The following MYLK4 variants were observed in gnomAD, a reference collection of about 807,000 sequenced individuals.
MYLK4 encodes the protein myosin light chain kinase family member 4.
In MYLK4, 46 loss-of-function variants were observed where a neutral mutation model predicts 48.1. The observed-to-expected ratio is 0.96, with a 90% CI of 0.75 to 1.22. The LOEUF is 1.22. MYLK4 is among the 50% of genes most tolerant of loss of function. The pLI, the probability that MYLK4 is intolerant of heterozygous loss-of-function variation, is 0.00. For synonymous variants in MYLK4, 170 were observed against 180.8 expected, an observed-to-expected ratio of 0.94 and a Z score of 0.48; for missense variants, 451 against 486.1, an observed-to-expected ratio of 0.93 and a Z score of 0.68.
At chr6:2,670,637 G>A (rs1760849266) in intron 12 of MYLK4, among the ~76,000 whole-genome samples, 1 of 152,162 alleles carries the variant, frequency 6.6e-6, no homozygotes, top group East Asian at 1.9e-4. Flanking sequence ...AGGTATTCAT[G>A]TGTAAACCCA....
At chr6:2,766,393 G>C in the MYLK4 span, 2 of 1,607,444 alleles carry the variant, frequency 1.2e-6, no homozygotes, top group Non-Finnish European at 1.7e-6. Context: ...CGCTCCTGGA[G>C]ACCAACGAAA....
At chr6:2,667,943 T>A (rs1182260492) in intron 12 of MYLK4, 44 bp from the exon 13 acceptor site, 2 of 152,664 alleles carry the variant, frequency 1.3e-5, no homozygotes, top group Non-Finnish European at 2.9e-5. Flanking sequence ...TCAGCAGGGT[T>A]TTTAAAATTA....
Position 2,689,927 on chromosome 6 carries a change from C to A in MYLK4, c.236-971G>T, listed in dbSNP as rs112571028. ...GGAATCTGATTTGATATGGACATCA[C>A]CTCTCAGAGCCTAAATATGCTGAAA... is the stretch of plus-strand genomic sequence containing the variant. On this transcript the variant is annotated intron_variant, in intron 3 of 12. Transcript: ENST00000274643. 5.7e-3 allele frequency among the ~76,000 whole-genome samples: 861 copies of A among 152,262 alleles called. 1 individual carries two copies. Among genetic ancestry groups the A allele is most frequent in the Non-Finnish European group, 8.7e-3 (592 of 68,034 alleles).
At chr6:2,734,237 T>C (rs1161795873) in intron 2 of MYLK4, among the ~76,000 whole-genome samples, 3 of 152,194 alleles carry the variant, frequency 2.0e-5, no homozygotes, top group African/African-American at 4.8e-5. Flanking sequence ...CCAGCACATA[T>C]GCGGCTTTCG....
chr6:2,692,705 A>C lies in MYLK4; in HGVS notation c.235+79T>G, dbSNP rs182739379. On this transcript the variant is annotated intron_variant, in intron 3 of 12. Coordinates refer to ENST00000274643, the MANE Select transcript of MYLK4 (RefSeq NM_001012418.5). The stretch of plus-strand genomic sequence containing the variant: ...CCTGCACAGGGCTTTATGAATGTGC[A>C]ACTTCCTCTGAATAACAACAGGACT... 58 of 1,302,882 alleles carry C rather than the reference A, an allele frequency of 4.5e-5. No homozygotes were observed. The East Asian group carries it at 1.3e-3, about 30-fold the overall frequency. 80.7% of individuals were successfully genotyped at this position (1,302,882 alleles called of 1,614,324 possible). A position where few individuals can be genotyped will look rare whatever the true frequency, so the allele number is the denominator to read the frequency against.
chr6:2,714,440 A>C (rs1216410616), intron 2 of MYLK4, among the ~76,000 whole-genome samples: 5 of 152,256 alleles, frequency 3.3e-5, no homozygotes. Context: ...CTCTGGATGC[A>C]CTGCCTATGA....
chr6:2,746,136 G>A (rs369807089), intron 2 of MYLK4, among the ~76,000 whole-genome samples: 10 of 151,386 alleles, frequency 6.6e-5, no homozygotes, highest in African/African-American at 2.2e-4. Context: ...GCGTGGTTGC[G>A]TGCGCCTGTA....
intron 10 of MYLK4, 30 bp downstream of exon 10, chr6:2,678,190 C>A: frequency 6.2e-7 from 1 of 1,608,332 alleles, no homozygotes; most frequent in Non-Finnish European, 8.5e-7. Flanking sequence ...ATCCCTACTG[C>A]GCCCGGAGCA....
chr6:2,741,914 C>T (rs1393052587), intron 2 of MYLK4, among the ~76,000 whole-genome samples: 1 of 152,180 alleles, frequency 6.6e-6, no homozygotes, highest in Non-Finnish European at 1.5e-5. Flanking sequence ...GATGAAAGCC[C>T]TTAGTATTTC....
At chr6:2,723,062 G>T (rs529318206) in intron 2 of MYLK4, among the ~76,000 whole-genome samples, 319 of 152,158 alleles carry the variant, frequency 2.1e-3, no homozygotes, top group Non-Finnish European at 3.5e-3. Flanking sequence ...GAGGCTGAGG[G>T]GGGAGGATTG....
intron 2 of MYLK4, among the ~76,000 whole-genome samples, chr6:2,729,952 T>C (rs931167101): frequency 6.6e-6 from 1 of 152,194 alleles, no homozygotes; most frequent in African/African-American, 2.4e-5. Flanking sequence ...AAACGCTGGA[T>C]TTTCTCCCTA....
the MYLK4 span, among the ~76,000 whole-genome samples, chr6:2,766,955 GTTTATTTAACATTC>G: frequency 6.6e-6 from 1 of 152,106 alleles, no homozygotes; most frequent in Non-Finnish European, 1.5e-5. Context: ...TTAAGAATAA[GTTTATTTAACATTC>G]TTATATTCTT....
rs1760983450 is a variant in MYLK4 at position 2,673,659 on chromosome 6, C to T, written c.1119+1388G>A. Among the ~76,000 whole-genome samples, 1 of 152,108 alleles carries T rather than the reference C, an allele frequency of 6.6e-6. No homozygotes were observed. The highest frequency in any genetic ancestry group is 2.4e-5 in the African/African-American group (1 of 41,410). Reference sequence around the variant, plus strand: ...GCGTCTTGCCTGTATATGCATCTTGCCAGTTGAACATCCTAGATGTTCAGT... The same window carrying T: ...GCGTCTTGCCTGTATATGCATCTTGTCAGTTGAACATCCTAGATGTTCAGT... On this transcript the variant is annotated intron_variant, in intron 11 of 12. Transcript: ENST00000274643. The surrounding 1 kb of genome is among the most constrained non-coding windows in gnomAD (Gnocchi z 4.2).
At chr6:2,692,117 G>C (rs1226203554) in intron 3 of MYLK4, among the ~76,000 whole-genome samples, 1 of 152,166 alleles carries the variant, frequency 6.6e-6, no homozygotes, top group African/African-American at 2.4e-5. Context: ...TCCTTAGAAT[G>C]AAACCCGTTT....
At chr6:2,695,426 A>C (rs1762023811) in intron 2 of MYLK4, among the ~76,000 whole-genome samples, 1 of 152,234 alleles carries the variant, frequency 6.6e-6, no homozygotes, top group African/African-American at 2.4e-5. Context: ...TCTGAGTATC[A>C]GGTGGAAAAG....
chr6:2,736,144 CAAAT>C (rs1266942237), intron 2 of MYLK4, among the ~76,000 whole-genome samples: 1 of 152,152 alleles, frequency 6.6e-6, no homozygotes, highest in Non-Finnish European at 1.5e-5. Context: ...GGTCAGAAGT[CAAAT>C]AAATTTTGAA....
upstream of MYLK4, among the ~76,000 whole-genome samples, chr6:2,754,311 T>C (rs1342095622): frequency 1.3e-5 from 2 of 152,022 alleles, no homozygotes; most frequent in African/African-American, 4.8e-5. Context: ...GAAAAGATAA[T>C]GTGGTATACA....
intron 2 of MYLK4, among the ~76,000 whole-genome samples, chr6:2,697,110 C>T (rs1447819535): frequency 6.6e-6 from 1 of 152,160 alleles, no homozygotes; most frequent in Non-Finnish European, 1.5e-5. Flanking sequence ...TAGTGGTTAT[C>T]AATGTATATA....
chr6:2,703,662 A>ATTGT (rs759946900), intron 2 of MYLK4, among the ~76,000 whole-genome samples: 1 of 62,138 alleles, frequency 1.6e-5, no homozygotes, highest in African/African-American at 6.6e-5. Context: ...CCCTTTGTGA[A>ATTGT]TTCTTTTTTT....
Sources: gnomAD v4.1 joint callset for allele counts (sites outside exome capture counted in the v4.1 genomes callset) on GRCh38, gnomAD v4.1.1 for gene constraint, Gnocchi (gnomAD v3.1) non-coding constraint, MANE v1.5 for transcripts, NCBI Gene and HGNC (gene_info 2026-07-23, HGNC 2026-07-21) for gene names.